TBL1X: variants seen among roughly 807,000 people sequenced by gnomAD.
TBL1X encodes the protein transducin beta like 1 X-linked.
A neutral mutation model predicts 50.7 loss-of-function variants in TBL1X; 10 were observed. The ratio of observed to expected loss-of-function variants is 0.20; its 90% confidence interval spans 0.12 to 0.33. The LOEUF (loss-of-function observed/expected upper bound fraction) is 0.33, where lower values mean the gene tolerates loss of function less well. TBL1X is among the 10% of genes least tolerant of loss of function. The probability of loss-of-function intolerance (pLI) is 1.00; values close to 1 mark genes in which losing one functional copy is unlikely to be tolerated. For synonymous variants in TBL1X, 190 were observed against 214.7 expected (o/e 0.88, Z 1.01); for missense variants, 340 against 504.4 (o/e 0.67, Z 3.12).
At chrX:9,509,563 G>A (rs1264430132) in intron 2 of TBL1X, among the ~76,000 whole-genome samples, 1 of 91,150 alleles carries the variant, frequency 1.1e-5, no homozygotes, top group African/African-American at 4.1e-5. Flanking sequence ...ATGGCTCACT[G>A]GAGCCTTGAT....
intron 2 of TBL1X, among the ~76,000 whole-genome samples, chrX:9,618,486 G>A (rs1348664805): frequency 1.8e-5 from 2 of 111,404 alleles, no homozygotes; most frequent in Non-Finnish European, 3.8e-5. Context: ...GACCAGCCTG[G>A]CCAACATGGC....
chrX:9,602,364 T>G (rs1197692344), intron 2 of TBL1X, among the ~76,000 whole-genome samples: 2 of 110,753 alleles, frequency 1.8e-5, no homozygotes, highest in Non-Finnish European at 3.8e-5. Flanking sequence ...TCCTTTTTTT[T>G]TTTGGAGATA....
At position 9,546,976 on chromosome X, in the gene TBL1X, G is replaced by A. The variant is rs779576719; in HGVS notation, c.-131+45127G>A. On this transcript the variant is annotated intron_variant, in intron 2 of 17. Coordinates refer to ENST00000645353, the MANE Select transcript of TBL1X (RefSeq NM_005647.4). ...TGGGACTACAGGCGCCCGCTACCAC[G>A]CCCGGCTAATTTTTTGTATTTTTAG... 5.7e-5 allele frequency among the ~76,000 whole-genome samples: 6 copies of A among 105,218 alleles called. No individual in the cohort carries two copies. The South Asian group carries it at 2.7e-3, about 47-fold the overall frequency. 91.4% of individuals were successfully genotyped at this position (105,218 alleles called of 115,157 possible). A position where few individuals can be genotyped will look rare whatever the true frequency, so the allele number is the denominator to read the frequency against.
chrX:9,711,894 C>T (rs1345437276), intron 16 of TBL1X, 118 bp downstream of exon 16: 16 of 813,088 alleles, frequency 2.0e-5, no homozygotes, highest in African/African-American at 1.5e-4. Flanking sequence ...TCAGGCTCCC[C>T]GGGCAGACCC....
intron 2 of TBL1X, among the ~76,000 whole-genome samples, chrX:9,513,944 A>G (rs948186773): frequency 3.7e-5 from 4 of 109,144 alleles, no homozygotes; most frequent in African/African-American, 1.3e-4. Flanking sequence ...GCTCTTTTAA[A>G]CAACCAGCTC....
chrX:9,688,820 A>G (rs1290378352), intron 7 of TBL1X, among the ~76,000 whole-genome samples: 2 of 113,349 alleles, frequency 1.8e-5, no homozygotes, highest in East Asian at 5.6e-4. Context: ...ATACTGCTCT[A>G]TACACCCGTA....
At chrX:9,672,706 A>G (rs968317454) in intron 5 of TBL1X, among the ~76,000 whole-genome samples, 1 of 110,809 alleles carries the variant, frequency 9.0e-6, no homozygotes, top group Non-Finnish European at 1.9e-5. Flanking sequence ...CAACTTCTCC[A>G]TTGCCATCCA....
chrX:9,581,795 G>T (rs146247368), intron 2 of TBL1X, among the ~76,000 whole-genome samples: 1,555 of 112,201 alleles, frequency 0.014, 14 homozygotes, highest in Middle Eastern at 0.023. Flanking sequence ...AACGCCGTTG[G>T]AAACATGAGG....
intron 2 of TBL1X, among the ~76,000 whole-genome samples, chrX:9,518,502 A>G (rs768988090): frequency 2.3e-4 from 26 of 112,392 alleles, no homozygotes; most frequent in African/African-American, 7.5e-4. Flanking sequence ...TAAAGTGCCA[A>G]TAGTCCTGGG....
In TBL1X at chrX:9,619,844, C is replaced by T. The variant is rs766058058; in HGVS notation, c.-130-20429C>T. ...TCCTTCAGTTTCTTCTCCAGTGCCA[C>T]GTCACCTACCTGAGCTGCCTCAGGT... On this transcript the variant is annotated intron_variant, in intron 2 of 17. Transcript: ENST00000645353. Among the ~76,000 whole-genome samples the T allele has an allele frequency of 6.8e-4, 76 of 111,777 alleles. 1 individual carries two copies. The highest frequency in any genetic ancestry group is 2.3e-3 in the African/African-American group (72 of 30,734).
intron 1 of TBL1X, among the ~76,000 whole-genome samples, chrX:9,477,768 A>T (rs1025962224): frequency 9.0e-6 from 1 of 111,447 alleles, no homozygotes; most frequent in Admixed American, 9.5e-5. Flanking sequence ...GATCACCATG[A>T]TGCAGTTTTA....
rs776391256 is a variant in TBL1X at position 9,620,708 on chromosome X, C to T, written c.-130-19565C>T. Among the ~76,000 whole-genome samples the T allele has an allele frequency of 1.3e-3, 151 of 111,870 alleles. 1 individual carries two copies. Among genetic ancestry groups the T allele is most frequent in the Non-Finnish European group, 2.4e-3 (130 of 53,160 alleles). On this transcript the variant is annotated intron_variant, in intron 2 of 17. Coordinates refer to ENST00000645353, the MANE Select transcript of TBL1X (RefSeq NM_005647.4). ...CAGGCCAGCATGGTGGAGCGAGTGACCAACAGAGCAGAGGTGTGCACGGTG... is the reference window on the plus strand; with the variant it reads ...CAGGCCAGCATGGTGGAGCGAGTGATCAACAGAGCAGAGGTGTGCACGGTG...
At chrX:9,502,581 G>A (rs745562826) in intron 2 of TBL1X, among the ~76,000 whole-genome samples, 3 of 112,276 alleles carry the variant, frequency 2.7e-5, no homozygotes, top group Admixed American at 9.4e-5. Context: ...CAGAGCTGGG[G>A]TTCACATTCA....
chrX:9,669,487 T>G (rs1023442682), intron 5 of TBL1X, among the ~76,000 whole-genome samples: 1 of 112,074 alleles, frequency 8.9e-6, no homozygotes, highest in East Asian at 2.8e-4. Flanking sequence ...CATGTCTGAT[T>G]GGTTCTCAGA....
At chrX:9,646,519 T>C (rs1272492196) in intron 3 of TBL1X, among the ~76,000 whole-genome samples, 5 of 112,343 alleles carry the variant, frequency 4.5e-5, no homozygotes, top group South Asian at 3.7e-4. Context: ...CAGAGTTTGC[T>C]CGTTTCCATG....
chrX:9,548,216 C>T (rs2082254625), intron 2 of TBL1X, among the ~76,000 whole-genome samples: 1 of 110,375 alleles, frequency 9.1e-6, no homozygotes, highest in Non-Finnish European at 1.9e-5. Flanking sequence ...TTAAGATATG[C>T]ATATTTTATC....
intron 1 of TBL1X, among the ~76,000 whole-genome samples, chrX:9,469,139 T>C (rs1407690870): frequency 3.7e-5 from 4 of 108,438 alleles, no homozygotes; most frequent in Non-Finnish European, 7.7e-5. Context: ...AGAATTATTA[T>C]AATGCTTGGA....
chrX:9,499,042 TGAG>T (rs1253450449), intron 1 of TBL1X, among the ~76,000 whole-genome samples: 2 of 111,717 alleles, frequency 1.8e-5, no homozygotes, highest in African/African-American at 6.5e-5. Context: ...GTGGCTTTGT[TGAG>T]GAGCAGCCCC....
At chrX:9,651,370 T>G (rs1259160509) in intron 3 of TBL1X, among the ~76,000 whole-genome samples, 1 of 112,129 alleles carries the variant, frequency 8.9e-6, no homozygotes, top group Non-Finnish European at 1.9e-5. Context: ...GTCCATTCTT[T>G]TTGCTCCTCC....
Sources: gnomAD v4.1 joint callset for allele counts (sites outside exome capture counted in the v4.1 genomes callset) on GRCh38, gnomAD v4.1.1 for gene constraint, MANE v1.5 for transcripts, NCBI Gene and HGNC (gene_info 2026-07-23, HGNC 2026-07-21) for gene names.